KCNC2: variants seen among roughly 807,000 people sequenced by gnomAD.
KCNC2 encodes voltage-gated potassium channel KCNC2.
In KCNC2, 21 loss-of-function variants were observed where a neutral mutation model predicts 44.5. That is an observed-to-expected ratio of 0.47 (90% confidence interval 0.33 to 0.68). The LOEUF is 0.68. KCNC2 is among the 30% of genes least tolerant of loss of function. The pLI is 0.01. For missense variants in KCNC2, 589 were observed against 826.2 expected (o/e 0.71, Z 3.52); for synonymous variants, 391 against 339.1 (o/e 1.15, Z -1.68).
chr12:75,078,628 C>A (rs1455586874), intron 2 of KCNC2, among the ~76,000 whole-genome samples: 1 of 152,084 alleles, frequency 6.6e-6, no homozygotes, highest in Non-Finnish European at 1.5e-5. Context: ...CTACTCTTTT[C>A]TTCATCTTAT....
chr12:75,138,706 C>A (rs1393639035), intron 2 of KCNC2, among the ~76,000 whole-genome samples: 1 of 152,038 alleles, frequency 6.6e-6, no homozygotes, highest in African/African-American at 2.4e-5. Context: ...CCGGGCTGGG[C>A]GCGGTGGCTC....
chr12:75,181,612 C>T (rs981711419), intron 2 of KCNC2, among the ~76,000 whole-genome samples: 20 of 152,276 alleles, frequency 1.3e-4, no homozygotes, highest in African/African-American at 4.8e-4. Context: ...AAAGCTCTCC[C>T]TTCTATAGAA....
intron 2 of KCNC2, among the ~76,000 whole-genome samples, chr12:75,173,053 C>A (rs143779085): frequency 3.3e-3 from 503 of 151,942 alleles, no homozygotes; most frequent in African/African-American, 0.011. Context: ...CTATTATATA[C>A]CCTCATGGTA....
intron 2 of KCNC2, among the ~76,000 whole-genome samples, chr12:75,196,187 C>G (rs547548248): frequency 1.3e-5 from 2 of 152,220 alleles, no homozygotes; most frequent in South Asian, 4.1e-4. Context: ...CAATAGACTA[C>G]AAGTGTGTTA....
rs190738179 is a variant in KCNC2, at chr12:75,042,546, C to T, written c.*559G>A. The T allele has an allele frequency of 7.1e-6, 10 of 1,400,238 alleles. No homozygotes were observed. The highest frequency in any genetic ancestry group is 2.6e-4 in the Middle Eastern group (1 of 3,830). 86.7% of individuals were successfully genotyped at this position (1,400,238 alleles called of 1,614,324 possible). Reference sequence around the variant, plus strand: ...CCCACAATTCAACATGCAGAACAGTCGACCAATGCTTTCATATCAGCAGGA... The same window carrying T: ...CCCACAATTCAACATGCAGAACAGTTGACCAATGCTTTCATATCAGCAGGA... On this transcript the variant is annotated 3_prime_UTR_variant, in exon 5 of 5. Coordinates refer to ENST00000549446, the MANE Select transcript of KCNC2 (RefSeq NM_139137.4).
At chr12:75,093,033 G>T (rs558723631) in intron 2 of KCNC2, among the ~76,000 whole-genome samples, 54 of 145,330 alleles carry the variant, frequency 3.7e-4, no homozygotes, top group Admixed American at 3.7e-3. Flanking sequence ...TTTTTTAATC[G>T]TTCGAGTAGC....
intron 2 of KCNC2, among the ~76,000 whole-genome samples, chr12:75,178,767 C>T (rs921973069): frequency 3.3e-5 from 5 of 152,014 alleles, no homozygotes; most frequent in African/African-American, 1.2e-4. Context: ...ATACTTCTGT[C>T]TTTGATACAG....
At chr12:75,059,475 T>C (rs992493900) in intron 2 of KCNC2, among the ~76,000 whole-genome samples, 2 of 152,122 alleles carry the variant, frequency 1.3e-5, no homozygotes, top group Admixed American at 1.3e-4. Context: ...AATCACCCAT[T>C]GTCTATTAAG....
intron 2 of KCNC2, among the ~76,000 whole-genome samples, chr12:75,150,404 G>C (rs1284609890): frequency 1.3e-5 from 2 of 151,718 alleles, no homozygotes; most frequent in Non-Finnish European, 3.0e-5. Context: ...ATCACCACCA[G>C]TCTTGATTTA....
chr12:75,093,679 T>C (rs879852267), intron 2 of KCNC2, among the ~76,000 whole-genome samples: 4 of 151,678 alleles, frequency 2.6e-5, no homozygotes, highest in Non-Finnish European at 5.9e-5. Context: ...CTTAACATAA[T>C]GTGACATTGT....
intron 2 of KCNC2, among the ~76,000 whole-genome samples, chr12:75,065,693 T>C (rs1009067466): frequency 1.3e-5 from 2 of 152,094 alleles, no homozygotes; most frequent in Non-Finnish European, 2.9e-5. Context: ...AGAAGTGTAG[T>C]AGGCAATGCC....
intron 2 of KCNC2, among the ~76,000 whole-genome samples, chr12:75,105,303 C>G (rs1176694134): frequency 1.3e-5 from 2 of 152,092 alleles, no homozygotes; most frequent in Non-Finnish European, 2.9e-5. Context: ...ATGCTTAACT[C>G]ATGAATTACA....
At chr12:75,082,292 C>A (rs181161913) in intron 2 of KCNC2, among the ~76,000 whole-genome samples, 1 of 151,688 alleles carries the variant, frequency 6.6e-6, no homozygotes, top group Admixed American at 6.6e-5. Context: ...ATAATAATAA[C>A]AATAAAGGTA....
chr12:75,133,361 T>A (rs1888989403), intron 2 of KCNC2, among the ~76,000 whole-genome samples: 2 of 152,046 alleles, frequency 1.3e-5, no homozygotes, highest in South Asian at 2.1e-4. Flanking sequence ...AATTGTATGC[T>A]TGTAACAATG....
At position 75,042,293 on chromosome 12, in the gene KCNC2, T is replaced by G. The variant is rs1242105893; in HGVS notation, c.*812A>C. On this transcript the variant is annotated 3_prime_UTR_variant, in exon 5 of 5. Coordinates refer to ENST00000549446, the MANE Select transcript of KCNC2 (RefSeq NM_139137.4). ...GCTGGCAGTTACCTTTCTCTCATGT[T>G]TTGTGCCTTCCCCAAGTCATTAAGT... 2 of 1,610,908 alleles carry G rather than the reference T, an allele frequency of 1.2e-6. No homozygotes were observed. Among genetic ancestry groups the G allele is most frequent in the South Asian group, 2.2e-5 (2 of 90,886 alleles).
intron 2 of KCNC2, among the ~76,000 whole-genome samples, chr12:75,145,319 C>G (rs1385150380): frequency 1.3e-5 from 2 of 152,036 alleles, no homozygotes; most frequent in Admixed American, 6.5e-5. Context: ...TAAACAATCC[C>G]AAGTTTAAAA....
chr12:75,138,780 A>T (rs990759309), intron 2 of KCNC2, among the ~76,000 whole-genome samples: 13 of 152,088 alleles, frequency 8.5e-5, no homozygotes, highest in African/African-American at 3.1e-4. Flanking sequence ...GGAAATCAAG[A>T]CCATCCTGGT....
intron 1 of KCNC2, 114 bp downstream of exon 1, chr12:75,209,093 A>C (rs2031945046): frequency 6.6e-6 from 1 of 152,492 alleles, no homozygotes; most frequent in Non-Finnish European, 1.5e-5. Context: ...CCAGGGCTTC[A>C]TCTCTACATT....
intron 2 of KCNC2, among the ~76,000 whole-genome samples, chr12:75,092,774 A>C (rs1389587404): frequency 1.3e-5 from 2 of 151,710 alleles, no homozygotes; most frequent in African/African-American, 4.8e-5. Context: ...CCCTAATACA[A>C]GAATAACACA....
Sources: gnomAD v4.1 joint callset for allele counts (sites outside exome capture counted in the v4.1 genomes callset) on GRCh38, gnomAD v4.1.1 for gene constraint, MANE v1.5 for transcripts, NCBI Gene and HGNC (gene_info 2026-07-23, HGNC 2026-07-21) for gene names.